ARL17B: variants seen among roughly 807,000 people sequenced by gnomAD.
ARL17B encodes the protein ARF like GTPase 17B, also known as ADP-ribosylation factor-like protein 17.
chr17:46,284,440 C>T (rs1275891055), intron 4 of ARL17B, among the ~76,000 whole-genome samples: 23 of 152,328 alleles, frequency 1.5e-4, no homozygotes, highest in East Asian at 3.9e-4. Context: ...TCAGAGAGCA[C>T]GGGGTTGGGG....
At chr17:46,277,804 G>A (rs1215784409) in intron 4 of ARL17B, among the ~76,000 whole-genome samples, 8 of 150,960 alleles carry the variant, frequency 5.3e-5, no homozygotes, top group Non-Finnish European at 1.0e-4. Context: ...CCACCCTTAC[G>A]CCTAGCTAAT....
At chr17:46,291,624 A>G (rs1323932281) in intron 4 of ARL17B, among the ~76,000 whole-genome samples, 1 of 152,094 alleles carries the variant, frequency 6.6e-6, no homozygotes, top group Non-Finnish European at 1.5e-5. Context: ...GTGTAATATG[A>G]AAAAAAGACA....
At chr17:46,288,155 A>ACTGTTTT (rs2049968363) in intron 4 of ARL17B, among the ~76,000 whole-genome samples, 4 of 139,908 alleles carry the variant, frequency 2.9e-5, no homozygotes, top group Admixed American at 7.4e-5. Flanking sequence ...GTTACCACTA[A>ACTGTTTT]CTTTTTTCTT....
intron 3 of ARL17B, among the ~76,000 whole-genome samples, chr17:46,322,592 A>AT (rs1430998318): frequency 2.8e-5 from 1 of 35,776 alleles, no homozygotes; most frequent in Admixed American, 3.6e-4. Flanking sequence ...AGAGAACAGC[A>AT]TTGAAGAACC....
rs183357053 is a variant in ARL17B, at chr17:46,287,814, C to T, written c.*21+11712G>A. On this transcript the variant is annotated intron_variant, in intron 4 of 4. Transcript: ENST00000570618. ...GCAGGGTCTACACTGCTTGGCAAGG[C>T]GGAGCTGTGTAAGTGTGTGATTGTG... Among the ~76,000 whole-genome samples the T allele has an allele frequency of 2.4e-3, 365 of 152,298 alleles. 2 individuals are homozygous for T. The highest frequency in any genetic ancestry group is 8.3e-3 in the African/African-American group (346 of 41,540).
chr17:46,285,946 T>C (rs148160516), intron 4 of ARL17B, among the ~76,000 whole-genome samples: 28 of 152,394 alleles, frequency 1.8e-4, no homozygotes, highest in African/African-American at 6.5e-4. Context: ...TCCTTCTCTG[T>C]TAGTGGTGTG....
chr17:46,335,462 T>A lies in ARL17B; in HGVS notation c.*4038A>T. ...TACCTCATCAGGTACATGAGACTTA[T>A]AATGAATAAAAGGAATCAATACAGA... On this transcript the variant is annotated 3_prime_UTR_variant, in exon 4 of 4. Coordinates refer to ENST00000450673, the MANE Select transcript of ARL17B (RefSeq NM_001039083.5). 6.0e-6 allele frequency: 1 copy of A among 167,984 alleles called. No homozygotes were observed. Among genetic ancestry groups the A allele is most frequent in the African/African-American group, 1.8e-5 (1 of 54,260 alleles). 10.4% of individuals were successfully genotyped at this position (167,984 alleles called of 1,614,324 possible). A position where few individuals can be genotyped will look rare whatever the true frequency, so the allele number is the denominator to read the frequency against.
intron 4 of ARL17B, among the ~76,000 whole-genome samples, chr17:46,284,001 A>T (rs1228029456): frequency 6.6e-6 from 1 of 152,282 alleles, no homozygotes; most frequent in African/African-American, 2.4e-5. Context: ...TCCAGCCCTA[A>T]GGCGGTTTTT....
At chr17:46,355,646 GTTTTA>G (rs1328432364) in intron 2 of ARL17B, among the ~76,000 whole-genome samples, 3 of 17,192 alleles carry the variant, frequency 1.7e-4, no homozygotes, top group Admixed American at 9.4e-4. Context: ...TTATGTTTTT[GTTTTA>G]TTTTGTTTTG....
intron 3 of ARL17B, among the ~76,000 whole-genome samples, chr17:46,351,925 A>C (rs1383381316): frequency 6.6e-6 from 1 of 152,286 alleles, no homozygotes; most frequent in African/African-American, 2.4e-5. Context: ...ACCCACCTTG[A>C]ACCAAAAATA....
intron 4 of ARL17B, among the ~76,000 whole-genome samples, chr17:46,292,016 T>A (rs1352241941): frequency 8.0e-6 from 1 of 125,718 alleles, no homozygotes; most frequent in Non-Finnish European, 1.7e-5. Context: ...CTAATCTGAA[T>A]TCACTCCAAA....
At chr17:46,317,133 T>G (rs2051183713) in intron 3 of ARL17B, among the ~76,000 whole-genome samples, 1 of 89,040 alleles carries the variant, frequency 1.1e-5, no homozygotes. Context: ...TGGGTACACC[T>G]CCCAGATGGG....
chr17:46,277,698 G>A (rs1189981940), intron 4 of ARL17B, among the ~76,000 whole-genome samples: 2 of 150,908 alleles, frequency 1.3e-5, no homozygotes, highest in African/African-American at 4.9e-5. Context: ...CCAGGTTGGA[G>A]TGCAGTGGTG....
chr17:46,282,880 A>G (rs1241919553), intron 4 of ARL17B, among the ~76,000 whole-genome samples: 1 of 152,186 alleles, frequency 6.6e-6, no homozygotes, highest in African/African-American at 2.4e-5. Flanking sequence ...GCATTTTGGG[A>G]GGCCGAAGCG....
At chr17:46,276,080 G>A (rs2049579644) in intron 4 of ARL17B, among the ~76,000 whole-genome samples, 1 of 152,166 alleles carries the variant, frequency 6.6e-6, no homozygotes. Context: ...TTGTAGAGAC[G>A]AGGTTTCACC....
intron 4 of ARL17B, among the ~76,000 whole-genome samples, chr17:46,287,004 G>A (rs1188170869): frequency 2.0e-5 from 3 of 152,186 alleles, no homozygotes; most frequent in Non-Finnish European, 4.4e-5. Context: ...TGTAATTGTC[G>A]TTTTGAGCTG....
intron 4 of ARL17B, chr17:46,275,554 G>A (rs2049562534): frequency 3.9e-6 from 2 of 508,712 alleles, no homozygotes; most frequent in African/African-American, 4.1e-5. Context: ...GAATAGAAAA[G>A]AACGATTAAG....
chr17:46,276,650 C>T (rs957565273), intron 4 of ARL17B, among the ~76,000 whole-genome samples: 45 of 152,230 alleles, frequency 3.0e-4, no homozygotes, highest in African/African-American at 1.1e-3. Context: ...TTCTGGAAAC[C>T]CATAATAAAA....
At chr17:46,279,223 G>T in intron 4 of ARL17B, among the ~76,000 whole-genome samples, 1 of 138,458 alleles carries the variant, frequency 7.2e-6, no homozygotes, top group East Asian at 2.1e-4. Context: ...TCGCTCTGTC[G>T]CCTAGGCTGG....
Sources: allele counts gnomAD v4.1 joint callset (sites outside exome capture counted in the v4.1 genomes callset), GRCh38; gene constraint gnomAD v4.1.1; transcripts MANE v1.5; gene names NCBI Gene and HGNC (gene_info 2026-07-23, HGNC 2026-07-21).